Variants in CADM1 observed in about 807,000 individuals in gnomAD.
CADM1 encodes the protein cell adhesion molecule 1.
CADM1 carries 15 observed loss-of-function variants against 53.1 expected under a neutral mutation model. The ratio of observed to expected loss-of-function variants is 0.28; its 90% CI spans 0.19 to 0.44. The LOEUF (loss-of-function observed/expected upper bound fraction) is 0.44. Among genes scored for constraint, CADM1 ranks in the 20% least tolerant of loss-of-function variants. CADM1 has a pLI of 1.00. For synonymous variants in CADM1, 281 were observed against 243.0 expected, an observed-to-expected ratio of 1.16 and a Z score of -1.45; for missense variants, 434 against 611.3, an observed-to-expected ratio of 0.71 and a Z score of 3.06.
chr11:115,402,710 T>G (rs1184988268), intron 1 of CADM1, among the ~76,000 whole-genome samples: 1 of 152,134 alleles, frequency 6.6e-6, no homozygotes, highest in African/African-American at 2.4e-5. Flanking sequence ...ACATTTTTTT[T>G]TTCACTGATC....
Position 115,247,536 on chromosome 11 carries a change from A to T in CADM1, c.125-7116T>A, listed in dbSNP as rs577907954. On this transcript the variant is annotated intron_variant, in intron 1 of 11. Coordinates refer to ENST00000331581, the MANE Select transcript of CADM1 (RefSeq NM_001301043.2). ...ATCTAGTTCATTAATCATTGTTCAGACAACCACAAGGGGGTTAAAGATGGA... is the reference window on the plus strand; with the variant it reads ...ATCTAGTTCATTAATCATTGTTCAGTCAACCACAAGGGGGTTAAAGATGGA... 1.8e-4 allele frequency among the ~76,000 whole-genome samples: 28 copies of T among 152,344 alleles called. 1 individual carries two copies. The highest frequency in any genetic ancestry group is 4.6e-4 in the Admixed American group (7 of 15,304).
intron 1 of CADM1, among the ~76,000 whole-genome samples, chr11:115,259,383 G>A (rs892760791): frequency 3.3e-5 from 4 of 121,264 alleles, no homozygotes; most frequent in Non-Finnish European, 6.4e-5. Context: ...TCGGCTCACC[G>A]CAACCTCTGC....
intron 1 of CADM1, among the ~76,000 whole-genome samples, chr11:115,440,231 C>T (rs142456271): frequency 2.6e-3 from 403 of 152,302 alleles, no homozygotes; most frequent in Non-Finnish European, 4.7e-3. Context: ...TGTATGGATA[C>T]GCTAAACAGC....
intron 1 of CADM1, among the ~76,000 whole-genome samples, chr11:115,482,171 C>T (rs1220527552): frequency 6.6e-6 from 1 of 152,164 alleles, no homozygotes; most frequent in Non-Finnish European, 1.5e-5. Flanking sequence ...CTATCTCCTA[C>T]CTACCTTTCA....
intron 2 of CADM1, among the ~76,000 whole-genome samples, chr11:115,239,886 T>C (rs939720195): frequency 6.6e-6 from 1 of 152,200 alleles, no homozygotes; most frequent in Non-Finnish European, 1.5e-5. Flanking sequence ...GAGAGAAGAC[T>C]TGGTTTTATG....
intron 1 of CADM1, among the ~76,000 whole-genome samples, chr11:115,494,133 T>A (rs968250823): frequency 6.6e-6 from 1 of 152,130 alleles, no homozygotes; most frequent in Non-Finnish European, 1.5e-5. Flanking sequence ...GTATACATTA[T>A]TGAGAGAGAG....
At chr11:115,249,846 C>A (rs1185066294) in intron 1 of CADM1, among the ~76,000 whole-genome samples, 1 of 152,182 alleles carries the variant, frequency 6.6e-6, no homozygotes, top group African/African-American at 2.4e-5. Flanking sequence ...TTAATGGATA[C>A]TTCTCAATCC....
At chr11:115,435,612 A>G (rs1948166725) in intron 1 of CADM1, among the ~76,000 whole-genome samples, 1 of 152,160 alleles carries the variant, frequency 6.6e-6, no homozygotes, top group Admixed American at 6.5e-5. Flanking sequence ...TGGTGCCTAT[A>G]GTCCCAGCTA....
intron 9 of CADM1, among the ~76,000 whole-genome samples, chr11:115,195,549 A>G (rs1940105067): frequency 6.6e-6 from 1 of 152,218 alleles, no homozygotes; most frequent in East Asian, 1.9e-4. Context: ...CAAACCTTTC[A>G]ACATTTCTAG....
At chr11:115,200,119 T>C (rs527961976) in intron 8 of CADM1, among the ~76,000 whole-genome samples, 2 of 152,228 alleles carry the variant, frequency 1.3e-5, no homozygotes, top group Non-Finnish European at 2.9e-5. Flanking sequence ...TGCAGCTTAA[T>C]ATTACTGATA....
chr11:115,386,075 A>G (rs1358681000), intron 1 of CADM1, among the ~76,000 whole-genome samples: 1 of 152,246 alleles, frequency 6.6e-6, no homozygotes, highest in Non-Finnish European at 1.5e-5. Context: ...GCCACCCTTA[A>G]TTCTACAAAT....
chr11:115,196,163 A>G (rs1186183227), intron 9 of CADM1, among the ~76,000 whole-genome samples: 3 of 152,186 alleles, frequency 2.0e-5, no homozygotes, highest in Non-Finnish European at 4.4e-5. Context: ...CCTGCCACAG[A>G]AATGCTATAA....
At chr11:115,214,110 G>A (rs1465662268) in intron 7 of CADM1, among the ~76,000 whole-genome samples, 6 of 152,164 alleles carry the variant, frequency 3.9e-5, no homozygotes. Flanking sequence ...AGCTACAGGT[G>A]GTTCATGTAG....
At chr11:115,248,803 C>T (rs906997101) in intron 1 of CADM1, among the ~76,000 whole-genome samples, 2 of 152,084 alleles carry the variant, frequency 1.3e-5, no homozygotes, top group Admixed American at 1.3e-4. Flanking sequence ...AGAAAAAAAT[C>T]GAGCCCCCAA....
At chr11:115,340,626 T>TTATATA (rs869156485) in intron 1 of CADM1, among the ~76,000 whole-genome samples, 922 of 48,084 alleles carry the variant, frequency 0.019, 78 homozygotes, top group Middle Eastern at 0.077. Context: ...ATAATAAATA[T>TTATATA]TATATATATA....
At chr11:115,227,086 T>C (rs1426449569) in intron 5 of CADM1, among the ~76,000 whole-genome samples, 2 of 152,238 alleles carry the variant, frequency 1.3e-5, no homozygotes, top group Non-Finnish European at 1.5e-5. Context: ...AAAATATTTG[T>C]ATGATTTTCT....
At chr11:115,345,154 G>A (rs1394080077) in intron 1 of CADM1, among the ~76,000 whole-genome samples, 2 of 152,102 alleles carry the variant, frequency 1.3e-5, no homozygotes, top group Non-Finnish European at 2.9e-5. Flanking sequence ...TCTTCTGCAC[G>A]ACCACAAAAG....
At chr11:115,447,807 G>C (rs1948485014) in intron 1 of CADM1, among the ~76,000 whole-genome samples, 1 of 152,176 alleles carries the variant, frequency 6.6e-6, no homozygotes, top group South Asian at 2.1e-4. Flanking sequence ...TGGAATTCCA[G>C]CAAGTTTCAC....
chr11:115,247,802 G>A (rs568277103), intron 1 of CADM1, among the ~76,000 whole-genome samples: 11 of 152,320 alleles, frequency 7.2e-5, no homozygotes, highest in African/African-American at 1.2e-4. Context: ...AGAGTCCCCA[G>A]ACTGGGTTTT....
Sources: allele counts gnomAD v4.1 joint callset (sites outside exome capture counted in the v4.1 genomes callset), GRCh38; gene constraint gnomAD v4.1.1; transcripts MANE v1.5; gene names NCBI Gene and HGNC (gene_info 2026-07-23, HGNC 2026-07-21).